Variants in ZFHX3 observed in about 807,000 individuals in gnomAD.
ZFHX3 encodes the protein zinc finger homeobox 3, also known as zinc finger homeobox protein 3.
In ZFHX3, 42 loss-of-function variants were observed where a neutral mutation model predicts 279.1. That is an observed-to-expected ratio of 0.15 (90% CI 0.12 to 0.19). ZFHX3 has a LOEUF of 0.19. ZFHX3 is among the 10% of genes least tolerant of loss of function. The probability of loss-of-function intolerance (pLI) is 1.00; values close to 1 mark genes in which losing one functional copy is unlikely to be tolerated. For missense variants in ZFHX3, 4,981 were observed against 4,754.0 expected, an observed-to-expected ratio of 1.05 and a Z score of -1.40; for synonymous variants, 2,293 against 1,957.8, an observed-to-expected ratio of 1.17 and a Z score of -4.52.
At chr16:73,229,717 T>C (rs549942769) in intron 5 of ZFHX3, among the ~76,000 whole-genome samples, 152 of 152,334 alleles carry the variant, frequency 1.0e-3, no homozygotes, top group South Asian at 1.5e-3. Flanking sequence ...TAAAATAGTT[T>C]CCTTGTAATT....
chr16:73,218,751 A>G (rs2012300926), intron 5 of ZFHX3, among the ~76,000 whole-genome samples: 1 of 152,234 alleles, frequency 6.6e-6, no homozygotes, highest in Non-Finnish European at 1.5e-5. Flanking sequence ...CCTGGGTGAC[A>G]GAGCGAGACC....
chr16:73,471,193 C>T (rs1202549063), intron 2 of ZFHX3, among the ~76,000 whole-genome samples: 1 of 152,132 alleles, frequency 6.6e-6, no homozygotes, highest in Non-Finnish European at 1.5e-5. Context: ...CTTGATTGCT[C>T]TTAGGATGTG....
intron 2 of ZFHX3, among the ~76,000 whole-genome samples, chr16:73,627,648 G>A (rs1240588411): frequency 6.6e-6 from 1 of 152,252 alleles, no homozygotes; most frequent in Non-Finnish European, 1.5e-5. Context: ...GGTGGGCGCA[G>A]TGGCTCACGC....
intron 9 of ZFHX3, chr16:72,790,087 C>T (rs951971471): frequency 6.6e-6 from 1 of 152,322 alleles, no homozygotes; most frequent in African/African-American, 2.4e-5. Context: ...AGCCTAATAC[C>T]CTCCCTGACC....
intron 1 of ZFHX3, among the ~76,000 whole-genome samples, chr16:73,718,950 G>A (rs985250292): frequency 6.6e-5 from 10 of 152,150 alleles, no homozygotes; most frequent in Middle Eastern, 6.8e-3. Context: ...GCCCTCCTCC[G>A]TCAGATCATA....
intron 2 of ZFHX3, among the ~76,000 whole-genome samples, chr16:73,535,848 G>A (rs2143737887): frequency 6.6e-6 from 1 of 151,250 alleles, no homozygotes; most frequent in East Asian, 2.0e-4. Flanking sequence ...TCAGCCTCCT[G>A]AGCAGCTGGG....
chr16:73,274,926 T>C (rs566737496), intron 4 of ZFHX3, among the ~76,000 whole-genome samples: 2 of 152,388 alleles, frequency 1.3e-5, no homozygotes, highest in African/African-American at 4.8e-5. Flanking sequence ...TCTAAGAAAC[T>C]GTAGTTCCCT....
At position 72,923,596 on chromosome 16, in the gene ZFHX3, G is replaced by A. The variant is rs564275339; in HGVS notation, c.3216+26873C>T. 1.5e-3 allele frequency among the ~76,000 whole-genome samples: 225 copies of A among 151,832 alleles called. 6 individuals carry two copies. The South Asian group carries it at 0.018, about 12-fold the overall frequency. On this transcript the variant is annotated intron_variant, in intron 3 of 9. Coordinates refer to ENST00000268489, the MANE Select transcript of ZFHX3 (RefSeq NM_006885.4). ...TCCATGGCACTGATATAGTTGATGC[G>A]TCTCTGAGCCTGTTTTATACATGTC...
intron 4 of ZFHX3, among the ~76,000 whole-genome samples, chr16:72,859,580 G>A (rs147526215): frequency 1.9e-4 from 29 of 152,216 alleles, no homozygotes; most frequent in Admixed American, 3.9e-4. Context: ...AAATAAAGAC[G>A]TTTAGGGATT....
intron 1 of ZFHX3, among the ~76,000 whole-genome samples, chr16:73,818,822 G>C (rs917633295): frequency 5.9e-5 from 9 of 152,204 alleles, no homozygotes; most frequent in African/African-American, 1.2e-4. Flanking sequence ...CAGAGGGCTG[G>C]AGACTGATTA....
intron 4 of ZFHX3, among the ~76,000 whole-genome samples, chr16:73,266,621 A>G (rs1047522840): frequency 1.2e-4 from 18 of 152,286 alleles, no homozygotes; most frequent in African/African-American, 3.4e-4. Context: ...CTGCGTCCCC[A>G]CCCAAATCTC....
chr16:72,905,533 C>CG (rs1342958572), intron 3 of ZFHX3, among the ~76,000 whole-genome samples: 3 of 152,128 alleles, frequency 2.0e-5, no homozygotes, highest in Non-Finnish European at 2.9e-5. Context: ...TGAGCACCAT[C>CG]GAGACGATCA....
At chr16:73,651,236 G>GA (rs34022957) in intron 2 of ZFHX3, among the ~76,000 whole-genome samples, 256 of 147,736 alleles carry the variant, frequency 1.7e-3, no homozygotes, top group Non-Finnish European at 2.8e-3. Flanking sequence ...AATACGAGGA[G>GA]AAAAAAAAAA....
chr16:72,787,921 A>T lies in ZFHX3; in HGVS notation c.10355T>A (p.Leu3452His), dbSNP rs769839279. 34 of 1,613,822 alleles carry T rather than the reference A, an allele frequency of 2.1e-5. No homozygotes were observed. The highest frequency in any genetic ancestry group is 2.8e-5 in the Non-Finnish European group (33 of 1,179,994). Residue 3452 changes from leucine to histidine, a missense_variant, in exon 10 of 10, where the codon CTC (leucine) becomes CAC (histidine). This residue lies in a region of ZFHX3 where 1,034 missense variants were observed against 786.0 expected (regional missense o/e 1.32). Transcript: ENST00000268489. ...CTTTGGAACAATGAAGGGGTCGTAG[A>T]GGGAGTCCGCACTTTTGCTTTCTGC... is the stretch of plus-strand genomic sequence containing the variant. ...PEAESKSADS[L>H]YDPFIVPKVQ...
chr16:72,834,406 G>A (rs1016170480), intron 4 of ZFHX3, among the ~76,000 whole-genome samples: 14 of 152,222 alleles, frequency 9.2e-5, no homozygotes, highest in African/African-American at 3.4e-4. Context: ...AATTCCAGCA[G>A]ATAAATACCT....
intron 5 of ZFHX3, among the ~76,000 whole-genome samples, chr16:73,220,753 A>C (rs180926347): frequency 6.6e-6 from 1 of 151,374 alleles, no homozygotes; most frequent in Non-Finnish European, 1.5e-5. Context: ...GAGGGGTTGC[A>C]TTCTTTGTGT....
chr16:73,424,164 TA>T (rs2017768923), intron 3 of ZFHX3, among the ~76,000 whole-genome samples: 1 of 152,198 alleles, frequency 6.6e-6, no homozygotes, highest in Non-Finnish European at 1.5e-5. Context: ...AGATTCTTAC[TA>T]CTTTCACCCC....
intron 3 of ZFHX3, among the ~76,000 whole-genome samples, chr16:72,891,796 C>T (rs1441426190): frequency 6.6e-6 from 1 of 152,206 alleles, no homozygotes; most frequent in Non-Finnish European, 1.5e-5. Flanking sequence ...CCCCAACCCC[C>T]AGCCCAGTCA....
At chr16:73,220,417 GAA>G (rs1238430524) in intron 5 of ZFHX3, among the ~76,000 whole-genome samples, 2 of 152,052 alleles carry the variant, frequency 1.3e-5, no homozygotes, top group Non-Finnish European at 2.9e-5. Context: ...AAAGCTAGGT[GAA>G]ATGTAAACCA....
Sources: gnomAD v4.1 joint callset for allele counts (sites outside exome capture counted in the v4.1 genomes callset) on GRCh38, gnomAD v4.1.1 for gene constraint, gnomAD v4.1.1 regional missense constraint, MANE v1.5 for transcripts, NCBI Gene and HGNC (gene_info 2026-07-23, HGNC 2026-07-21) for gene names.